The following PEX14 variants were observed in gnomAD, a reference collection of about 807,000 sequenced individuals.
PEX14 encodes the protein peroxisomal membrane protein PEX14.
A neutral mutation model predicts 49.5 loss-of-function variants in PEX14; 15 were observed. The observed-to-expected ratio is 0.30, with a 90% CI of 0.20 to 0.47. PEX14 has a LOEUF of 0.47. PEX14 is among the 20% of genes least tolerant of loss of function. The pLI is 1.00. For synonymous variants in PEX14, 210 were observed against 212.7 expected, an observed-to-expected ratio of 0.99 and a Z score of 0.11; for missense variants, 398 against 494.8, an observed-to-expected ratio of 0.80 and a Z score of 1.86.
At chr1:10,482,722 G>A (rs148998767) in intron 1 of PEX14, among the ~76,000 whole-genome samples, 1,815 of 152,188 alleles carry the variant, frequency 0.012, 43 homozygotes, top group African/African-American at 0.041. Flanking sequence ...ATGAGCCACC[G>A]TGCCTGGCCT....
chr1:10,593,265 T>C (rs1640723335), intron 3 of PEX14, among the ~76,000 whole-genome samples: 1 of 152,218 alleles, frequency 6.6e-6, no homozygotes, highest in Admixed American at 6.5e-5. Flanking sequence ...AGCTGAGAAT[T>C]ATCTTCTTGG....
intron 2 of PEX14, among the ~76,000 whole-genome samples, chr1:10,518,358 G>A (rs1642007189): frequency 6.6e-6 from 1 of 152,162 alleles, no homozygotes; most frequent in Non-Finnish European, 1.5e-5. Context: ...GCTACACACG[G>A]CTGATGGCAA....
chr1:10,581,741 TTTATTTAATTTA>T (rs1299971100), intron 3 of PEX14, among the ~76,000 whole-genome samples: 1 of 143,616 alleles, frequency 7.0e-6, no homozygotes, highest in East Asian at 2.2e-4. Context: ...TAATTTATAT[TTTATTTAATTTA>T]TAATTTATAA....
chr1:10,557,638 G>A (rs1639525837), intron 3 of PEX14, among the ~76,000 whole-genome samples: 1 of 152,132 alleles, frequency 6.6e-6, no homozygotes, highest in Non-Finnish European at 1.5e-5. Flanking sequence ...TAAAGAAAAT[G>A]GACTTGTTTT....
At chr1:10,511,055 C>T (rs1641874410) in intron 2 of PEX14, among the ~76,000 whole-genome samples, 1 of 150,942 alleles carries the variant, frequency 6.6e-6, no homozygotes, top group Non-Finnish European at 1.5e-5. Flanking sequence ...AGCTGTGGTG[C>T]ACCGATAGGC....
intron 3 of PEX14, among the ~76,000 whole-genome samples, chr1:10,584,056 T>C (rs754889835): frequency 1.3e-5 from 2 of 152,206 alleles, no homozygotes; most frequent in African/African-American, 2.4e-5. Context: ...TTTAATAGGA[T>C]CACCAGGGTG....
chr1:10,564,088 G>GGT (rs1206820568), intron 3 of PEX14, among the ~76,000 whole-genome samples: 1 of 151,868 alleles, frequency 6.6e-6, no homozygotes, highest in Non-Finnish European at 1.5e-5. Context: ...ATGTTCCTGA[G>GGT]GTGGTTTTCT....
intron 2 of PEX14, among the ~76,000 whole-genome samples, chr1:10,507,657 G>A (rs1193319299): frequency 6.6e-6 from 1 of 152,196 alleles, no homozygotes; most frequent in Non-Finnish European, 1.5e-5. Flanking sequence ...TTGCTGGCGG[G>A]GAGAAGGTTG....
At chr1:10,475,305 T>C (rs1048503284) in intron 1 of PEX14, among the ~76,000 whole-genome samples, 2 of 152,100 alleles carry the variant, frequency 1.3e-5, no homozygotes, top group Non-Finnish European at 2.9e-5. Flanking sequence ...GACGGGACCC[T>C]TGGGAAGTCC....
chr1:10,618,635 C>G (rs1641501142), intron 5 of PEX14, among the ~76,000 whole-genome samples: 1 of 148,646 alleles, frequency 6.7e-6, no homozygotes, highest in Non-Finnish European at 1.5e-5. Flanking sequence ...TTCTCCAGTG[C>G]TCAGCATATA....
At chr1:10,547,084 C>G (rs1639199036) in intron 3 of PEX14, among the ~76,000 whole-genome samples, 2 of 152,090 alleles carry the variant, frequency 1.3e-5, no homozygotes, top group Non-Finnish European at 1.5e-5. Flanking sequence ...AAGTGCATGT[C>G]CTTGCAGCTG....
chr1:10,514,417 T>C lies in PEX14; in HGVS notation c.84+19096T>C, dbSNP rs1641938312. Among the ~76,000 whole-genome samples, 1 of 152,248 alleles carries C rather than the reference T, an allele frequency of 6.6e-6. No homozygotes were observed. Among genetic ancestry groups the C allele is most frequent in the Admixed American group, 6.5e-5 (1 of 15,286 alleles). Reference sequence around the variant, plus strand: ...ATACTGTGTTGTTTGTGCACGTGTGTAACAATATACAGTGTTTGTTCAATG... The same window carrying C: ...ATACTGTGTTGTTTGTGCACGTGTGCAACAATATACAGTGTTTGTTCAATG... On this transcript the variant is annotated intron_variant, in intron 2 of 8. Coordinates refer to ENST00000356607, the MANE Select transcript of PEX14 (RefSeq NM_004565.3). The surrounding 1 kb of genome is among the most constrained non-coding windows in gnomAD (Gnocchi z 4.4).
intron 4 of PEX14, among the ~76,000 whole-genome samples, chr1:10,610,320 A>G (rs1332985041): frequency 6.8e-6 from 1 of 147,606 alleles, no homozygotes; most frequent in Non-Finnish European, 1.5e-5. Context: ...TTTATTATAT[A>G]TTTATATATA....
At chr1:10,532,225 T>C (rs1638671590) in intron 2 of PEX14, among the ~76,000 whole-genome samples, 1 of 152,170 alleles carries the variant, frequency 6.6e-6, no homozygotes, top group Non-Finnish European at 1.5e-5. Flanking sequence ...GGTGTAACCA[T>C]TGTTATGAGA....
At chr1:10,503,945 GC>G (rs1490615878) in intron 2 of PEX14, among the ~76,000 whole-genome samples, 1 of 152,042 alleles carries the variant, frequency 6.6e-6, no homozygotes, top group East Asian at 1.9e-4. Context: ...TGTTGGCCAG[GC>G]TGGTCTCAAA....
intron 3 of PEX14, among the ~76,000 whole-genome samples, chr1:10,552,106 G>T (rs1277183920): frequency 6.6e-6 from 1 of 151,882 alleles, no homozygotes; most frequent in East Asian, 1.9e-4. Context: ...AAAAAAATAA[G>T]TTATACTGCA....
intron 2 of PEX14, among the ~76,000 whole-genome samples, chr1:10,523,154 T>G (rs1448865763): frequency 6.6e-6 from 1 of 152,220 alleles, no homozygotes; most frequent in Non-Finnish European, 1.5e-5. Flanking sequence ...ACATCTTTGT[T>G]TGGTGTTTCT....
chr1:10,524,402 T>A lies in PEX14; in HGVS notation c.85-11811T>A, dbSNP rs1638401936. On this transcript the variant is annotated intron_variant, in intron 2 of 8. Transcript: ENST00000356607. ...AACAAAAAGTGAACTTCTCTGTTTC[T>A]CAGACAGAGCTGGGAAGAATTTGAA... 5 of 910,870 alleles carry A rather than the reference T, an allele frequency of 5.5e-6. No individual in the cohort carries two copies. In the South Asian group the frequency reaches 2.0e-4, roughly 37 times the overall value. 56.4% of individuals were successfully genotyped at this position (910,870 alleles called of 1,614,324 possible). A position where few individuals can be genotyped will look rare whatever the true frequency, so the allele number is the denominator to read the frequency against.
chr1:10,584,075 G>T (rs1640410220), intron 3 of PEX14, among the ~76,000 whole-genome samples: 1 of 152,202 alleles, frequency 6.6e-6, no homozygotes, highest in Non-Finnish European at 1.5e-5. Flanking sequence ...TGGAAGCTGG[G>T]AGACTAGTCT....
Sources: allele counts gnomAD v4.1 joint callset (sites outside exome capture counted in the v4.1 genomes callset), GRCh38; gene constraint gnomAD v4.1.1; non-coding constraint Gnocchi (gnomAD v3.1); transcripts MANE v1.5; gene names NCBI Gene and HGNC (gene_info 2026-07-23, HGNC 2026-07-21).